IDO2: variants seen among roughly 807,000 people sequenced by gnomAD.
IDO2 encodes the protein indoleamine 2,3-dioxygenase-like 1 protein.
Under a neutral mutation model 45.1 loss-of-function variants are expected in IDO2, and 46 were observed. That is an observed-to-expected ratio of 1.02 (90% confidence interval 0.80 to 1.30). The LOEUF (loss-of-function observed/expected upper bound fraction) is 1.30. Among genes scored for constraint, IDO2 ranks in the 50% most tolerant of loss-of-function variants. The pLI is 0.00. For missense variants in IDO2, 544 were observed against 491.8 expected (o/e 1.11, Z -1.00); for synonymous variants, 218 against 184.9 (o/e 1.18, Z -1.45).
intron 1 of IDO2, among the ~76,000 whole-genome samples, chr8:39,947,868 A>G (rs376370172): frequency 6.7e-6 from 1 of 150,098 alleles, no homozygotes; most frequent in Non-Finnish European, 1.5e-5. Flanking sequence ...GCTCACTGCA[A>G]CCTCCACCTC....
In IDO2 at chr8:39,983,644, A is replaced by C. The variant is rs532581084; in HGVS notation, c.434+874A>C. The stretch of plus-strand genomic sequence containing the variant: ...TTTGGGAGGCTGAGGCAGGTGGATC[A>C]TCTGAGGTCAGGAGTTGAAGACCAG... On this transcript the variant is annotated intron_variant, in intron 5 of 10. Coordinates refer to ENST00000502986, the Ensembl canonical transcript of IDO2. 2.0e-5 allele frequency among the ~76,000 whole-genome samples: 3 copies of C among 152,242 alleles called. No homozygotes were observed. In the South Asian group the frequency reaches 6.2e-4, roughly 32 times the overall value.
At chr8:39,997,296 A>G (rs1802060345) in intron 8 of IDO2, among the ~76,000 whole-genome samples, 1 of 152,244 alleles carries the variant, frequency 6.6e-6, no homozygotes, top group Admixed American at 6.5e-5. Flanking sequence ...ATTGTAATAT[A>G]CAATACATGC....
chr8:40,001,000 T>A (rs1460016892), intron 8 of IDO2, among the ~76,000 whole-genome samples: 1 of 152,190 alleles, frequency 6.6e-6, no homozygotes, highest in Non-Finnish European at 1.5e-5. Context: ...TTTTAAAAAA[T>A]TATTTTTATG....
At chr8:39,974,701 TCA>T (rs1398652065) in intron 3 of IDO2, among the ~76,000 whole-genome samples, 4 of 152,290 alleles carry the variant, frequency 2.6e-5, no homozygotes, top group Middle Eastern at 3.4e-3. Context: ...GGCAGATCGA[TCA>T]CAAAGTCAAG....
chr8:40,008,202 A>T (rs1253451705), intron 9 of IDO2, among the ~76,000 whole-genome samples: 2 of 151,834 alleles, frequency 1.3e-5, no homozygotes, highest in African/African-American at 4.8e-5. Flanking sequence ...ACCCGCCACC[A>T]GCCCGGCTGA....
intron 6 of IDO2, chr8:39,986,593 C>G (rs545736555): frequency 6.6e-6 from 1 of 152,122 alleles, no homozygotes; most frequent in South Asian, 2.1e-4. Flanking sequence ...ATGTTTTACT[C>G]CATTTAAATG....
At chr8:39,945,284 G>C (rs1563423812) in intron 1 of IDO2, among the ~76,000 whole-genome samples, 1 of 152,238 alleles carries the variant, frequency 6.6e-6, no homozygotes, top group Non-Finnish European at 1.5e-5. Context: ...TATAGGAGGA[G>C]TTATGAATAT....
chr8:40,006,667 T>TTTTA (rs1215642562), intron 9 of IDO2, among the ~76,000 whole-genome samples: 1 of 151,856 alleles, frequency 6.6e-6, no homozygotes, highest in African/African-American at 2.4e-5. Context: ...TTTTATTTTA[T>TTTTA]TTTATTTTTT....
chr8:39,986,773 A>G (rs1263429900), intron 6 of IDO2: 1 of 151,962 alleles, frequency 6.6e-6, no homozygotes, highest in Non-Finnish European at 1.5e-5. Flanking sequence ...TAACCCCCAC[A>G]TGTCAGGAGA....
At chr8:40,008,788 C>T (rs541951083) in intron 9 of IDO2, among the ~76,000 whole-genome samples, 106 of 152,226 alleles carry the variant, frequency 7.0e-4, no homozygotes, top group African/African-American at 2.5e-3. Flanking sequence ...GAGTCATTGA[C>T]ACATTTTATC....
intron 3 of IDO2, among the ~76,000 whole-genome samples, chr8:39,972,182 C>T (rs548537327): frequency 1.1e-4 from 16 of 152,202 alleles, no homozygotes; most frequent in Non-Finnish European, 2.2e-4. Flanking sequence ...AGAATTTACT[C>T]GTGGTGAAAA....
At chr8:39,981,114 T>G (rs1413724569) in intron 4 of IDO2, among the ~76,000 whole-genome samples, 1 of 148,466 alleles carries the variant, frequency 6.7e-6, no homozygotes, top group Non-Finnish European at 1.5e-5. Flanking sequence ...CAGGCTGGAG[T>G]GCAGTGGCAC....
At chr8:40,013,425 C>T (rs1300115581) in intron 9 of IDO2, 140 bp from the exon 10 acceptor site, 3 of 786,446 alleles carry the variant, frequency 3.8e-6, no homozygotes, top group Non-Finnish European at 6.2e-6. Context: ...ACTTACCCTA[C>T]AAAGATACCC....
rs181203881 is a variant in IDO2 at position 39,989,243 on chromosome 8, T to C, written c.550-478T>C. ...TCTCCCTCGTATCATGAGAACAGTA[T>C]GGGAGAGCCCACCCCCATAATTCAA... On this transcript the variant is annotated intron_variant, in intron 7 of 10. Coordinates refer to ENST00000502986, the Ensembl canonical transcript of IDO2. Among the ~76,000 whole-genome samples, 1,110 of 152,148 alleles carry C rather than the reference T, an allele frequency of 7.3e-3. 14 individuals carry two copies. Among genetic ancestry groups the C allele is most frequent in the Non-Finnish European group, 9.0e-3 (613 of 68,004 alleles).
At chr8:39,994,295 T>C (rs1464564909) in intron 8 of IDO2, among the ~76,000 whole-genome samples, 1 of 151,224 alleles carries the variant, frequency 6.6e-6, no homozygotes, top group African/African-American at 2.4e-5. Flanking sequence ...TTCGCTCTTG[T>C]TGCCCAGGCT....
At chr8:39,944,087 C>CTT (rs144078097) in intron 1 of IDO2, among the ~76,000 whole-genome samples, 45 of 151,786 alleles carry the variant, frequency 3.0e-4, no homozygotes, top group African/African-American at 7.3e-4. Context: ...GAGCTTCCTG[C>CTT]TTTTTTTTAG....
At chr8:40,015,437 A>G in exon 11 of IDO2, 1 of 1,613,942 alleles carries the variant, frequency 6.2e-7, no homozygotes, top group Non-Finnish European at 8.5e-7. Context: ...TGGTCACCAA[A>G]TACCTCATCA....
At chr8:39,939,508 C>T (rs1415453590) in intron 1 of IDO2, among the ~76,000 whole-genome samples, 1 of 131,054 alleles carries the variant, frequency 7.6e-6, no homozygotes, top group Non-Finnish European at 1.5e-5. Flanking sequence ...TATCGCACCA[C>T]TGTACTCCAG....
At chr8:39,986,628 C>T (rs899433544) in intron 6 of IDO2, among the ~76,000 whole-genome samples, 76 of 151,988 alleles carry the variant, frequency 5.0e-4, no homozygotes, top group African/African-American at 1.7e-3. Context: ...AGAAATGATT[C>T]CTCTGTAACA....
Sources: allele counts gnomAD v4.1 joint callset (sites outside exome capture counted in the v4.1 genomes callset), GRCh38; gene constraint gnomAD v4.1.1; transcripts MANE v1.5; gene names NCBI Gene and HGNC (gene_info 2026-07-23, HGNC 2026-07-21).